NIM1K: variants seen among roughly 807,000 people sequenced by gnomAD.
NIM1K encodes NIM1 serine/threonine protein kinase.
NIM1K carries 35 observed loss-of-function variants against 37.1 expected under a neutral mutation model. The observed-to-expected ratio is 0.94, with a 90% CI of 0.72 to 1.25. The LOEUF (loss-of-function observed/expected upper bound fraction) is 1.25. NIM1K is among the 50% of genes most tolerant of loss of function. The pLI, the probability that NIM1K is intolerant of heterozygous loss-of-function variation, is 0.00. For synonymous variants in NIM1K, 234 were observed against 206.6 expected (o/e 1.13, Z -1.14); for missense variants, 564 against 548.0 (o/e 1.03, Z -0.29).
chr5:43,247,659 A>G (rs1020863292), intron 2 of NIM1K, among the ~76,000 whole-genome samples: 2 of 152,264 alleles, frequency 1.3e-5, no homozygotes, highest in African/African-American at 2.4e-5. Context: ...AAAACTCTCC[A>G]GGTGATTCTA....
intron 3 of NIM1K, 29 bp from the exon 4 acceptor site, chr5:43,279,951 A>G: frequency 6.4e-7 from 1 of 1,571,444 alleles, no homozygotes; most frequent in Non-Finnish European, 8.7e-7. Flanking sequence ...TACTGTAAAA[A>G]TGACTTTTCT....
intron 1 of NIM1K, among the ~76,000 whole-genome samples, chr5:43,209,633 T>C (rs1413988139): frequency 6.6e-6 from 1 of 152,154 alleles, no homozygotes. Flanking sequence ...CTTTTGTTTT[T>C]TGAGACACAG....
chr5:43,216,062 A>G (rs1011102629), intron 1 of NIM1K, among the ~76,000 whole-genome samples: 1 of 151,326 alleles, frequency 6.6e-6, no homozygotes, highest in Non-Finnish European at 1.5e-5. Context: ...GAAAAAACCA[A>G]CTCATTCTTT....
At position 43,280,249 on chromosome 5, in the gene NIM1K, C is replaced by G. The variant is rs1753417669; in HGVS notation, c.831C>G (p.Ala277=). ...TGCCATTTCGGGCAGAAACCGTGGC[C>G]AAACTAAAAAAGAGCATCCTCGAGG... ...GTMPFRAETV[A]KLKKSILEGT... Residue 277 remains alanine, a synonymous_variant, in exon 4 of 4, where the codon GCC becomes GCG. Coordinates refer to ENST00000326035, the MANE Select transcript of NIM1K (RefSeq NM_153361.4). 2 of 1,613,972 alleles carry G rather than the reference C, an allele frequency of 1.2e-6. No individual in the cohort carries two copies. Among genetic ancestry groups the G allele is most frequent in the African/African-American group, 2.7e-5 (2 of 74,882 alleles).
At chr5:43,198,747 A>C (rs1751973793) in intron 1 of NIM1K, among the ~76,000 whole-genome samples, 2 of 152,210 alleles carry the variant, frequency 1.3e-5, no homozygotes, top group Non-Finnish European at 2.9e-5. Context: ...CTGAGGTCAG[A>C]CAGTCTTGGG....
chr5:43,210,208 G>C lies in NIM1K; in HGVS notation c.-695+17797G>C, dbSNP rs570831199. ...GAAGGGAGGAGAGGGGAGGGGAGGAGAGGGGAAAATTTAAGCTGAATTTGA... is the reference window on the plus strand; with the variant it reads ...GAAGGGAGGAGAGGGGAGGGGAGGACAGGGGAAAATTTAAGCTGAATTTGA... On this transcript the variant is annotated intron_variant, in intron 1 of 3. Coordinates refer to ENST00000326035, the MANE Select transcript of NIM1K (RefSeq NM_153361.4). 2.0e-4 allele frequency among the ~76,000 whole-genome samples: 31 copies of C among 152,088 alleles called. 1 individual carries two copies. The highest frequency in any genetic ancestry group is 7.5e-4 in the African/African-American group (31 of 41,490).
rs573964601 is a variant in NIM1K at position 43,235,383 on chromosome 5, T to G, written c.-694-9699T>G. On this transcript the variant is annotated intron_variant, in intron 1 of 3. Coordinates refer to ENST00000326035, the MANE Select transcript of NIM1K (RefSeq NM_153361.4). ...ATATTAATACTGGAGGGTTTGAGTC[T>G]CTTAAGCATTTTTGTTTTTAACACT... 1.6e-4 allele frequency among the ~76,000 whole-genome samples: 25 copies of G among 152,338 alleles called. No individual in the cohort carries two copies. In the South Asian group the frequency reaches 5.2e-3, roughly 32 times the overall value.
intron 2 of NIM1K, among the ~76,000 whole-genome samples, chr5:43,267,496 T>C (rs2112294105): frequency 6.6e-6 from 1 of 152,332 alleles, no homozygotes; most frequent in South Asian, 2.1e-4. Flanking sequence ...TCTCTAGCTT[T>C]GGGTTCCTTT....
intron 1 of NIM1K, among the ~76,000 whole-genome samples, chr5:43,239,404 A>AT (rs1425738713): frequency 1.3e-5 from 2 of 151,632 alleles, no homozygotes; most frequent in African/African-American, 4.9e-5. Context: ...TGCCGGGTTA[A>AT]TTTTTTTGTA....
chr5:43,213,412 C>A (rs1752249747), intron 1 of NIM1K, among the ~76,000 whole-genome samples: 1 of 151,634 alleles, frequency 6.6e-6, no homozygotes, highest in Non-Finnish European at 1.5e-5. Flanking sequence ...TCGCTGCAAC[C>A]TCCACCTCCC....
At chr5:43,211,009 A>G (rs1015741051) in intron 1 of NIM1K, among the ~76,000 whole-genome samples, 2 of 152,072 alleles carry the variant, frequency 1.3e-5, no homozygotes, top group African/African-American at 4.8e-5. Flanking sequence ...CCATCTCTAC[A>G]CAAAATACAA....
At chr5:43,240,058 T>A (rs1752677384) in intron 1 of NIM1K, among the ~76,000 whole-genome samples, 1 of 151,954 alleles carries the variant, frequency 6.6e-6, no homozygotes, top group Non-Finnish European at 1.5e-5. Context: ...TTTTTAATTG[T>A]TTCCTTTTTC....
chr5:43,231,304 G>A (rs1174785677), intron 1 of NIM1K, among the ~76,000 whole-genome samples: 2 of 152,180 alleles, frequency 1.3e-5, no homozygotes, highest in Non-Finnish European at 2.9e-5. Context: ...GTGACAGAGT[G>A]AAACTCTAGT....
chr5:43,206,459 C>T (rs1752112023), intron 1 of NIM1K, among the ~76,000 whole-genome samples: 1 of 144,898 alleles, frequency 6.9e-6, no homozygotes, highest in Non-Finnish European at 1.5e-5. Flanking sequence ...ATGATTGTGC[C>T]GCTGCACTCC....
intron 2 of NIM1K, among the ~76,000 whole-genome samples, chr5:43,259,957 G>T (rs767081690): frequency 6.6e-6 from 1 of 152,006 alleles, no homozygotes; most frequent in Non-Finnish European, 1.5e-5. Flanking sequence ...GTTGATTTTT[G>T]TATAAGGTGA....
intron 1 of NIM1K, among the ~76,000 whole-genome samples, chr5:43,239,429 T>TAATTTTTGGTATTTTTAGTAGAGACG (rs1561083459): frequency 6.6e-6 from 1 of 151,788 alleles, no homozygotes; most frequent in African/African-American, 2.4e-5. Flanking sequence ...TAGTAGAGTC[T>TAATTTTTGGTATTTTTAGTAGAGACG]GGGTTTCACT....
In NIM1K at chr5:43,233,052, G is replaced by C. The variant is rs1010590545; in HGVS notation, c.-694-12030G>C. ...TGAAGGAGTCATCTCCTCCCCGAGT[G>C]GTCTTGTCACTTGGCATCTGGCCAT... is the stretch of plus-strand genomic sequence containing the variant. On this transcript the variant is annotated intron_variant, in intron 1 of 3. Coordinates refer to ENST00000326035, the MANE Select transcript of NIM1K (RefSeq NM_153361.4). 2.3e-6 allele frequency: 3 copies of C among 1,304,388 alleles called. No homozygotes were observed. In the Admixed American group the frequency reaches 5.1e-5, roughly 22 times the overall value. 80.8% of individuals were successfully genotyped at this position (1,304,388 alleles called of 1,614,324 possible). A position where few individuals can be genotyped will look rare whatever the true frequency, so the allele number is the denominator to read the frequency against.
At chr5:43,199,897 A>G (rs755970478) in intron 1 of NIM1K, among the ~76,000 whole-genome samples, 5 of 152,062 alleles carry the variant, frequency 3.3e-5, no homozygotes, top group Non-Finnish European at 7.4e-5. Flanking sequence ...TTATTTTTTG[A>G]GACAGAGTTT....
At chr5:43,232,946 C>A (rs888414142) in intron 1 of NIM1K, 12 of 1,128,640 alleles carry the variant, frequency 1.1e-5, no homozygotes, top group Non-Finnish European at 1.6e-5. Context: ...CAAACTTCAT[C>A]ATCAATTACC....
Sources: gnomAD v4.1 joint callset for allele counts (sites outside exome capture counted in the v4.1 genomes callset) on GRCh38, gnomAD v4.1.1 for gene constraint, MANE v1.5 for transcripts, NCBI Gene and HGNC (gene_info 2026-07-23, HGNC 2026-07-21) for gene names.